TMEM131L: variants seen among roughly 807,000 people sequenced by gnomAD.
TMEM131L encodes transmembrane 131 like.
Under a neutral mutation model 192.2 loss-of-function variants are expected in TMEM131L, and 54 were observed. That is an observed-to-expected ratio of 0.28 (90% CI 0.23 to 0.35). The LOEUF (loss-of-function observed/expected upper bound fraction) is 0.35, where lower values mean the gene tolerates loss of function less well. TMEM131L is among the 10% of genes least tolerant of loss of function. TMEM131L has a pLI of 1.00. For missense variants in TMEM131L, 1,888 were observed against 1,972.9 expected (o/e 0.96, Z 0.82); for synonymous variants, 701 against 704.9 (o/e 0.99, Z 0.09).
intron 4 of TMEM131L, among the ~76,000 whole-genome samples, chr4:153,553,342 A>G (rs1737773883): frequency 6.6e-6 from 1 of 152,132 alleles, no homozygotes; most frequent in Non-Finnish European, 1.5e-5. Flanking sequence ...GCTCAAGGTC[A>G]TTTCACTACA....
chr4:153,509,671 C>T (rs1030963194), intron 3 of TMEM131L, among the ~76,000 whole-genome samples: 8 of 152,136 alleles, frequency 5.3e-5, no homozygotes, highest in Admixed American at 1.3e-4. Flanking sequence ...GAGCTGAGAT[C>T]GTACCACTGC....
chr4:153,596,174 C>A, intron 19 of TMEM131L, 84 bp from the exon 20 acceptor site: 8 of 1,465,464 alleles, frequency 5.5e-6, no homozygotes, highest in Non-Finnish European at 7.5e-6. Flanking sequence ...GAGAAGCAAT[C>A]GTGTTTAAAC....
intron 3 of TMEM131L, among the ~76,000 whole-genome samples, chr4:153,485,367 C>T (rs976188266): frequency 6.6e-6 from 1 of 151,950 alleles, no homozygotes; most frequent in Non-Finnish European, 1.5e-5. Flanking sequence ...AACATGGCTC[C>T]GAATGATACA....
At chr4:153,467,112 T>G in intron 1 of TMEM131L, 99 bp from the exon 2 acceptor site, 2 of 1,158,120 alleles carry the variant, frequency 1.7e-6, no homozygotes, top group Non-Finnish European at 2.5e-6. Flanking sequence ...AAGAGACGTG[T>G]TTTGGTGAGG....
At chr4:153,540,244 C>CT (rs1458033230) in intron 3 of TMEM131L, among the ~76,000 whole-genome samples, 1 of 152,124 alleles carries the variant, frequency 6.6e-6, no homozygotes, top group Non-Finnish European at 1.5e-5. Context: ...CTGAGAAACT[C>CT]TAGAAATTAA....
chr4:153,565,344 G>A (rs867202069), intron 7 of TMEM131L, among the ~76,000 whole-genome samples: 1 of 152,184 alleles, frequency 6.6e-6, no homozygotes, highest in Admixed American at 6.5e-5. Flanking sequence ...TCTAAGATTT[G>A]TATAACTTCA....
At chr4:153,634,799 C>T (rs979086305) in intron 33 of TMEM131L, among the ~76,000 whole-genome samples, 3 of 152,180 alleles carry the variant, frequency 2.0e-5, no homozygotes, top group African/African-American at 7.2e-5. Flanking sequence ...AAAATGAGAG[C>T]TATGGGATAT....
chr4:153,536,681 A>G lies in TMEM131L; in HGVS notation c.240-13392A>G, dbSNP rs545567433. On this transcript the variant is annotated intron_variant, in intron 3 of 34. Coordinates refer to ENST00000409959, the MANE Select transcript of TMEM131L (RefSeq NM_001131007.2). ...CAGAACTGACAGAATCGATCGATCT[A>G]TCTAGCTATCTGTCTTGTCTGTCTG... 3.9e-5 allele frequency among the ~76,000 whole-genome samples: 6 copies of G among 152,224 alleles called. No individual in the cohort carries two copies. The South Asian group carries it at 8.3e-4, about 21-fold the overall frequency.
rs549315197 is a variant in TMEM131L at position 153,532,449 on chromosome 4, A to T, written c.240-17624A>T. On this transcript the variant is annotated intron_variant, in intron 3 of 34. Coordinates refer to ENST00000409959, the MANE Select transcript of TMEM131L (RefSeq NM_001131007.2). Reference sequence around the variant, plus strand: ...CTTGCTATTAGTGCTTTTTTTTTAAAAAAAAAAAAAGCTTTATTGAGATAC... The same window carrying T: ...CTTGCTATTAGTGCTTTTTTTTTAATAAAAAAAAAAGCTTTATTGAGATAC... Among the ~76,000 whole-genome samples the T allele has an allele frequency of 1.5e-3, 222 of 151,520 alleles. 1 individual carries two copies. The highest frequency in any genetic ancestry group is 5.0e-3 in the African/African-American group (207 of 41,164).
At chr4:153,533,024 T>C (rs1346812286) in intron 3 of TMEM131L, among the ~76,000 whole-genome samples, 1 of 151,326 alleles carries the variant, frequency 6.6e-6, no homozygotes, top group African/African-American at 2.4e-5. Flanking sequence ...TCGTTCTTGT[T>C]GCCCAGGCTG....
intron 3 of TMEM131L, among the ~76,000 whole-genome samples, chr4:153,483,723 T>G (rs1732108408): frequency 6.6e-6 from 1 of 152,160 alleles, no homozygotes; most frequent in Non-Finnish European, 1.5e-5. Flanking sequence ...GAAGCTTGTT[T>G]TAGGCAAGAA....
In TMEM131L at chr4:153,594,218, AG is replaced by A. The variant is rs537902149; in HGVS notation, c.1995+349del. 9.8e-4 allele frequency among the ~76,000 whole-genome samples: 144 copies of A among 147,318 alleles called. 1 individual carries two copies. The highest frequency in any genetic ancestry group is 6.9e-3 in the Middle Eastern group (2 of 288). ...TCAAATTCTTTTTTAGGGCAAGATA[AG>A]GAAAAACAAATACATTAAAAAAAAT... On this transcript the variant is annotated intron_variant, in intron 19 of 34. Transcript: ENST00000409959.
chr4:153,558,229 G>C, intron 6 of TMEM131L, 29 bp from the exon 7 acceptor site: 1 of 1,229,774 alleles, frequency 8.1e-7, no homozygotes, highest in Non-Finnish European at 1.2e-6. Context: ...ACTCTTAACA[G>C]AGGAGCAATT....
chr4:153,632,052 G>T (rs996938516), intron 31 of TMEM131L, among the ~76,000 whole-genome samples: 2 of 152,182 alleles, frequency 1.3e-5, no homozygotes, highest in Admixed American at 6.5e-5. Context: ...GGTGGCTCAC[G>T]CCTGTAATCC....
intron 3 of TMEM131L, among the ~76,000 whole-genome samples, chr4:153,529,062 C>T (rs1284611181): frequency 6.6e-6 from 1 of 151,892 alleles, no homozygotes; most frequent in African/African-American, 2.4e-5. Flanking sequence ...CCAGAGACTG[C>T]CCATCAGTTG....
rs754392545 is a variant in TMEM131L, at chr4:153,602,581, C to T, written c.2493C>T (p.Asp831=). ...TTACCTCCTCCTGGGTAATTCGGGA[C>T]CTAAGTCTTGTAACCGCAGCGGACC... ...PDFTSSWVIR[D]LSLVTAADLE... is the part of the protein sequence containing the mutation. Residue 831 remains aspartate (D), a synonymous_variant, in exon 23 of 35, where the codon GAC becomes GAT. Coordinates refer to ENST00000409959, the MANE Select transcript of TMEM131L (RefSeq NM_001131007.2). 3.7e-6 allele frequency: 6 copies of T among 1,613,980 alleles called. No homozygotes were observed. Among genetic ancestry groups the T allele is most frequent in the Non-Finnish European group, 4.2e-6 (5 of 1,180,002 alleles).
At chr4:153,578,038 A>T (rs1730076910) in intron 7 of TMEM131L, among the ~76,000 whole-genome samples, 1 of 152,218 alleles carries the variant, frequency 6.6e-6, no homozygotes. Flanking sequence ...TTAAAGGAGC[A>T]ACAGCTGGCA....
intron 3 of TMEM131L, among the ~76,000 whole-genome samples, chr4:153,498,892 GA>G (rs564511278): frequency 6.6e-6 from 1 of 152,008 alleles, no homozygotes; most frequent in African/African-American, 2.4e-5. Flanking sequence ...ACCTTTCTTG[GA>G]AAAAAACCCA....
chr4:153,616,378 C>T lies in TMEM131L; in HGVS notation c.3567+3978C>T, dbSNP rs562728663. Among the ~76,000 whole-genome samples, 6 of 152,260 alleles carry T rather than the reference C, an allele frequency of 3.9e-5. No individual in the cohort carries two copies. In the South Asian group the frequency reaches 1.2e-3, roughly 32 times the overall value. On this transcript the variant is annotated intron_variant, in intron 26 of 34. Coordinates refer to ENST00000409959, the MANE Select transcript of TMEM131L (RefSeq NM_001131007.2). The stretch of plus-strand genomic sequence containing the variant: ...CATTGTTCATTTGGCGAAAATCATT[C>T]TTAATAAGTACATTCTCAAGTGCAG...
Sources: gnomAD v4.1 joint callset for allele counts (sites outside exome capture counted in the v4.1 genomes callset) on GRCh38, gnomAD v4.1.1 for gene constraint, MANE v1.5 for transcripts, NCBI Gene and HGNC (gene_info 2026-07-23, HGNC 2026-07-21) for gene names.